The following PARP8 variants were observed in gnomAD, a reference collection of about 807,000 sequenced individuals.
The protein encoded by PARP8 is protein mono-ADP-ribosyltransferase PARP8.
In PARP8, 51 loss-of-function variants were observed where a neutral mutation model predicts 124.1. That is an observed-to-expected ratio of 0.41 (90% CI 0.33 to 0.52). The LOEUF (loss-of-function observed/expected upper bound fraction) is 0.52. Among genes scored for constraint, PARP8 ranks in the 20% least tolerant of loss-of-function variants. PARP8 has a pLI of 0.21. For missense variants in PARP8, 860 were observed against 1,018.9 expected (o/e 0.84, Z 2.12); for synonymous variants, 391 against 361.5 (o/e 1.08, Z -0.93).
intron 2 of PARP8, among the ~76,000 whole-genome samples, chr5:50,673,007 A>G (rs1750211971): frequency 6.6e-6 from 1 of 152,210 alleles, no homozygotes; most frequent in Non-Finnish European, 1.5e-5. Flanking sequence ...CACAATGAAA[A>G]CAGTGATGAT....
chr5:50,795,315 T>C lies in PARP8; in HGVS notation c.1326T>C (p.Thr442=), dbSNP rs769032858. ...SYSSAPKSSK[T]ELFKEPNAEG... Reference sequence around the variant, plus strand: ...CCAGTGCCCCCAAGTCATCCAAAACTGAGCTTTTCAAGGAACCTAACGCAG... The same window carrying C: ...CCAGTGCCCCCAAGTCATCCAAAACCGAGCTTTTCAAGGAACCTAACGCAG... Residue 442 remains threonine, a synonymous_variant, in exon 12 of 26, where the codon ACT becomes ACC. Coordinates refer to ENST00000281631, the MANE Select transcript of PARP8 (RefSeq NM_024615.4). 12 of 1,614,038 alleles carry C rather than the reference T, an allele frequency of 7.4e-6. No individual in the cohort carries two copies. Among genetic ancestry groups the C allele is most frequent in the Non-Finnish European group, 1.0e-5 (12 of 1,180,012 alleles).
At chr5:50,795,531 GT>G (rs1006321710) in intron 12 of PARP8, 114 bp downstream of exon 12, 37 of 842,952 alleles carry the variant, frequency 4.4e-5, no homozygotes, top group Non-Finnish European at 6.1e-5. Context: ...TTAATTTACT[GT>G]TTTTTTAAAA....
At chr5:50,762,873 T>A (rs573496326) in intron 6 of PARP8, among the ~76,000 whole-genome samples, 1 of 152,352 alleles carries the variant, frequency 6.6e-6, no homozygotes, top group Non-Finnish European at 1.5e-5. Flanking sequence ...GTCTTGATGT[T>A]CATTCTAGAA....
At chr5:50,740,667 G>A (rs532683599) in intron 2 of PARP8, among the ~76,000 whole-genome samples, 2 of 152,128 alleles carry the variant, frequency 1.3e-5, no homozygotes, top group East Asian at 3.9e-4. Flanking sequence ...TTCAAACTTA[G>A]CAAGGCATGG....
At chr5:50,742,839 G>A (rs1340514716) in intron 2 of PARP8, among the ~76,000 whole-genome samples, 1 of 152,168 alleles carries the variant, frequency 6.6e-6, no homozygotes, top group African/African-American at 2.4e-5. Flanking sequence ...GGAGCTGGTA[G>A]GATCAGGTAG....
intron 14 of PARP8, among the ~76,000 whole-genome samples, chr5:50,810,053 G>T (rs753761147): frequency 1.3e-5 from 2 of 151,868 alleles, no homozygotes; most frequent in South Asian, 2.1e-4. Context: ...TTCAAATAAC[G>T]TTAAAAATGT....
At chr5:50,760,128 G>T (rs1326364471) in intron 4 of PARP8, among the ~76,000 whole-genome samples, 164 bp from the exon 5 acceptor site, 1 of 152,070 alleles carries the variant, frequency 6.6e-6, no homozygotes, top group Non-Finnish European at 1.5e-5. Context: ...AATAGCTTGC[G>T]TATTGTGTAA....
At chr5:50,668,368 C>T (rs752352044) in intron 2 of PARP8, 25 of 541,320 alleles carry the variant, frequency 4.6e-5, no homozygotes, top group Non-Finnish European at 7.7e-5. Context: ...CATGTTGAAA[C>T]TGTTCTGCTA....
intron 7 of PARP8, among the ~76,000 whole-genome samples, chr5:50,766,676 G>A (rs553099188): frequency 8.7e-4 from 132 of 152,174 alleles, no homozygotes; most frequent in African/African-American, 3.0e-3. Context: ...CTGTTCTATT[G>A]TGACTGTTCT....
At chr5:50,756,613 T>G (rs1402935443) in intron 3 of PARP8, among the ~76,000 whole-genome samples, 4 of 152,090 alleles carry the variant, frequency 2.6e-5, no homozygotes, top group Admixed American at 2.0e-4. Context: ...AGTGTCTAGA[T>G]TTTTCTTAAT....
intron 9 of PARP8, among the ~76,000 whole-genome samples, chr5:50,782,063 G>C (rs1740734015): frequency 6.6e-6 from 1 of 152,198 alleles, no homozygotes; most frequent in African/African-American, 2.4e-5. Context: ...GAGGGAGGAA[G>C]CCCTGCCAGA....
intron 2 of PARP8, among the ~76,000 whole-genome samples, chr5:50,672,556 TG>T (rs1579897795): frequency 6.6e-6 from 1 of 152,318 alleles, no homozygotes; most frequent in East Asian, 1.9e-4. Context: ...TCCACTTCTC[TG>T]GGTCACATGT....
intron 2 of PARP8, among the ~76,000 whole-genome samples, chr5:50,732,649 C>T (rs535159610): frequency 5.3e-5 from 8 of 151,534 alleles, no homozygotes; most frequent in Non-Finnish European, 7.4e-5. Context: ...GATGGAGTCT[C>T]GCTCTGTGGT....
intron 10 of PARP8, among the ~76,000 whole-genome samples, chr5:50,789,951 C>T (rs1400069659): frequency 2.6e-5 from 4 of 152,082 alleles, no homozygotes; most frequent in African/African-American, 9.7e-5. Flanking sequence ...AGAGAACTTA[C>T]TGAGGTCATT....
chr5:50,822,526 T>C, intron 17 of PARP8, 126 bp downstream of exon 17: 1 of 689,432 alleles, frequency 1.5e-6, no homozygotes, highest in Non-Finnish European at 2.5e-6. Context: ...TAAGATGTTT[T>C]AATTAAATCA....
At position 50,749,245 on chromosome 5, in the gene PARP8, T is replaced by A. The variant is rs193015331; in HGVS notation, c.147-906T>A. Among the ~76,000 whole-genome samples the A allele has an allele frequency of 6.1e-4, 93 of 151,944 alleles. 1 individual carries two copies. Among genetic ancestry groups the A allele is most frequent in the Admixed American group, 7.9e-4 (12 of 15,166 alleles). On this transcript the variant is annotated intron_variant, in intron 2 of 25. Coordinates refer to ENST00000281631, the MANE Select transcript of PARP8 (RefSeq NM_024615.4). ...TATATGTTCCTTTAAAGAGAATTAG[T>A]TTTTTTTGTCTTAACAGGCAGATAA...
At chr5:50,830,057 G>T in intron 22 of PARP8, 96 bp downstream of exon 22, 1 of 1,284,436 alleles carries the variant, frequency 7.8e-7, no homozygotes, top group Non-Finnish European at 1.0e-6. Flanking sequence ...TGCCTTATTA[G>T]ATATATTTTT....
At chr5:50,791,569 T>A (rs1322004498) in intron 10 of PARP8, among the ~76,000 whole-genome samples, 1 of 152,168 alleles carries the variant, frequency 6.6e-6, no homozygotes, top group African/African-American at 2.4e-5. Context: ...GAAAAAATAT[T>A]TATGTATTTT....
At chr5:50,689,032 ATT>A (rs67863550) in intron 2 of PARP8, among the ~76,000 whole-genome samples, 17,565 of 111,306 alleles carry the variant, frequency 0.16, 1,086 homozygotes, top group East Asian at 0.22. Flanking sequence ...TTTTTTTTTG[ATT>A]TTTTTTTTTT....
Sources: allele counts gnomAD v4.1 joint callset (sites outside exome capture counted in the v4.1 genomes callset), GRCh38; gene constraint gnomAD v4.1.1; transcripts MANE v1.5; gene names NCBI Gene and HGNC (gene_info 2026-07-23, HGNC 2026-07-21).